The following BRINP2 variants were observed in gnomAD, a reference collection of about 807,000 sequenced individuals.
The protein encoded by BRINP2 is BMP/retinoic acid-inducible neural-specific protein 2.
A neutral mutation model predicts 69.2 loss-of-function variants in BRINP2; 21 were observed. That is an observed-to-expected ratio of 0.30 (90% confidence interval 0.22 to 0.44). The LOEUF (loss-of-function observed/expected upper bound fraction) is 0.44, where lower values mean the gene tolerates loss of function less well. BRINP2 is among the 20% of genes least tolerant of loss of function. The pLI, the probability that BRINP2 is intolerant of heterozygous loss-of-function variation, is 1.00. For synonymous variants in BRINP2, 380 were observed against 394.1 expected, an observed-to-expected ratio of 0.96 and a Z score of 0.42; for missense variants, 877 against 986.0, an observed-to-expected ratio of 0.89 and a Z score of 1.48.
intron 2 of BRINP2, among the ~76,000 whole-genome samples, chr1:177,233,838 G>A (rs918008282): frequency 4.6e-5 from 7 of 152,158 alleles, no homozygotes; most frequent in Admixed American, 3.9e-4. Flanking sequence ...TCCAGTGGCC[G>A]GTGACTGCAG....
intron 2 of BRINP2, among the ~76,000 whole-genome samples, chr1:177,242,579 C>T (rs1369879762): frequency 6.6e-6 from 1 of 152,170 alleles, no homozygotes; most frequent in Non-Finnish European, 1.5e-5. Context: ...ATGAAGTCTT[C>T]TTTGACTCCT....
chr1:177,232,492 C>T (rs1266378488), intron 2 of BRINP2, among the ~76,000 whole-genome samples: 1 of 152,136 alleles, frequency 6.6e-6, no homozygotes, highest in African/African-American at 2.4e-5. Flanking sequence ...TGATTTGTGA[C>T]CTTTTGGTGG....
intron 5 of BRINP2, among the ~76,000 whole-genome samples, chr1:177,274,176 A>C (rs2102361178): frequency 6.6e-6 from 1 of 152,302 alleles, no homozygotes; most frequent in Non-Finnish European, 1.5e-5. Flanking sequence ...TCTGAGACAG[A>C]ACAAGCAAAA....
chr1:177,201,666 C>T (rs1648917192), intron 1 of BRINP2, among the ~76,000 whole-genome samples: 1 of 152,134 alleles, frequency 6.6e-6, no homozygotes, highest in Non-Finnish European at 1.5e-5. Context: ...GATTGATACA[C>T]CTTGATCTCA....
intron 4 of BRINP2, among the ~76,000 whole-genome samples, chr1:177,263,223 G>A (rs1215887820): frequency 6.6e-6 from 1 of 152,048 alleles, no homozygotes; most frequent in African/African-American, 2.4e-5. Flanking sequence ...AAGTATGAGT[G>A]GGTGATGCCT....
At chr1:177,192,862 G>C (rs1049852579) in intron 1 of BRINP2, among the ~76,000 whole-genome samples, 1 of 152,188 alleles carries the variant, frequency 6.6e-6, no homozygotes, top group Non-Finnish European at 1.5e-5. Context: ...ACATAAAGTA[G>C]AGAAGCCAAT....
intron 1 of BRINP2, among the ~76,000 whole-genome samples, chr1:177,209,987 C>T (rs1337814003): frequency 6.6e-6 from 1 of 152,092 alleles, no homozygotes; most frequent in Non-Finnish European, 1.5e-5. Flanking sequence ...GAGAGCATAG[C>T]ATTTTGCTGA....
At chr1:177,255,194 T>A (rs1650716024) in intron 2 of BRINP2, among the ~76,000 whole-genome samples, 2 of 152,264 alleles carry the variant, frequency 1.3e-5, no homozygotes. Context: ...GTGCAGCTCT[T>A]TTCTGCTAAG....
Position 177,255,952 on chromosome 1 carries a change from T to C in BRINP2, c.303T>C (p.Ala101=). Residue 101 remains alanine (A), a synonymous_variant, in exon 3 of 8, where the codon GCT becomes GCC. Coordinates refer to ENST00000361539, the MANE Select transcript of BRINP2 (RefSeq NM_021165.4). ...EFARWKVNNL[A]LERKDFFSLP... is the part of the protein sequence containing the mutation. ...CCCGTTGGAAGGTGAACAACTTGGC[T>C]CTGGAAAGGAAGGACTTCTTCAGTT... The C allele has an allele frequency of 6.2e-7, 1 of 1,614,226 alleles. No homozygotes were observed. The highest frequency in any genetic ancestry group is 8.5e-7 in the Non-Finnish European group (1 of 1,180,034).
intron 1 of BRINP2, among the ~76,000 whole-genome samples, chr1:177,201,540 A>C (rs1648910994): frequency 1.3e-5 from 2 of 152,204 alleles, no homozygotes; most frequent in Non-Finnish European, 2.9e-5. Context: ...TAACACTGAA[A>C]ATTTTTTGCT....
chr1:177,254,616 G>A (rs1037808497), intron 2 of BRINP2, among the ~76,000 whole-genome samples: 3 of 151,776 alleles, frequency 2.0e-5, no homozygotes, highest in Non-Finnish European at 2.9e-5. Context: ...CTTTTTTCAT[G>A]GAACTCCATT....
chr1:177,225,837 A>G (rs1649675626), intron 1 of BRINP2, among the ~76,000 whole-genome samples: 1 of 152,234 alleles, frequency 6.6e-6, no homozygotes, highest in South Asian at 2.1e-4. Context: ...CTTAGTCAAA[A>G]TGTCTTCAGA....
At chr1:177,267,169 T>A (rs924401573) in intron 4 of BRINP2, among the ~76,000 whole-genome samples, 1 of 152,220 alleles carries the variant, frequency 6.6e-6, no homozygotes, top group Admixed American at 6.5e-5. Context: ...GTAGCTTGAA[T>A]ATAAGAATAG....
At chr1:177,268,149 C>A in intron 4 of BRINP2, among the ~76,000 whole-genome samples, 1 of 152,210 alleles carries the variant, frequency 6.6e-6, no homozygotes, top group African/African-American at 2.4e-5. Flanking sequence ...TCCCACCCCA[C>A]AGTTCTGCTC....
intron 3 of BRINP2, 26 bp from the exon 4 acceptor site, chr1:177,257,150 C>G: frequency 6.2e-7 from 1 of 1,611,766 alleles, no homozygotes; most frequent in South Asian, 1.1e-5. Flanking sequence ...AGAGCGTCAC[C>G]AATACACTCG....
At chr1:177,214,412 A>G (rs1349176249) in intron 1 of BRINP2, among the ~76,000 whole-genome samples, 1 of 152,208 alleles carries the variant, frequency 6.6e-6, no homozygotes, top group Non-Finnish European at 1.5e-5. Flanking sequence ...CAGCCTGAGC[A>G]TAAGAGCGAA....
chr1:177,230,595 G>T (rs1649837393), intron 2 of BRINP2, among the ~76,000 whole-genome samples: 1 of 152,220 alleles, frequency 6.6e-6, no homozygotes, highest in Admixed American at 6.5e-5. Flanking sequence ...GAGGTCTGGG[G>T]AGCCCTGAAG....
intron 1 of BRINP2, among the ~76,000 whole-genome samples, chr1:177,203,644 C>G (rs531883457): frequency 2.0e-5 from 3 of 152,082 alleles, no homozygotes; most frequent in African/African-American, 7.2e-5. Context: ...AAGTGGGGAC[C>G]AATAAACCAT....
chr1:177,204,699 G>A (rs930314096), intron 1 of BRINP2, among the ~76,000 whole-genome samples: 1 of 151,994 alleles, frequency 6.6e-6, no homozygotes, highest in South Asian at 2.1e-4. Context: ...TCATTACAAA[G>A]GTAATGAATG....
Sources: gnomAD v4.1 joint callset for allele counts (sites outside exome capture counted in the v4.1 genomes callset) on GRCh38, gnomAD v4.1.1 for gene constraint, MANE v1.5 for transcripts, NCBI Gene and HGNC (gene_info 2026-07-23, HGNC 2026-07-21) for gene names.